Variants in RAB6A observed in about 807,000 individuals in gnomAD.
The protein encoded by RAB6A is RAB6A, member RAS oncogene family.
A neutral mutation model predicts 32.3 loss-of-function variants in RAB6A; 8 were observed. That is an observed-to-expected ratio of 0.25 (90% confidence interval 0.15 to 0.45). The LOEUF (loss-of-function observed/expected upper bound fraction) is 0.45. Among genes scored for constraint, RAB6A ranks in the 20% least tolerant of loss-of-function variants. RAB6A has a pLI of 1.00. For synonymous variants in RAB6A, 73 were observed against 82.1 expected, an observed-to-expected ratio of 0.89 and a Z score of 0.60; for missense variants, 104 against 249.4, an observed-to-expected ratio of 0.42 and a Z score of 3.93.
intron 6 of RAB6A, among the ~76,000 whole-genome samples, chr11:73,693,116 C>T (rs2037710): frequency 0.1 from 15,170 of 151,722 alleles, 861 homozygotes; most frequent in South Asian, 0.27. Context: ...GGTGAAACTC[C>T]GTCTCTACTA....
At chr11:73,701,949 G>A (rs978636445) in intron 6 of RAB6A, among the ~76,000 whole-genome samples, 4 of 152,074 alleles carry the variant, frequency 2.6e-5, no homozygotes, top group African/African-American at 7.2e-5. Context: ...CACAGCCCAC[G>A]AGGGACAGTT....
intron 1 of RAB6A, among the ~76,000 whole-genome samples, chr11:73,747,716 C>T (rs1308646582): frequency 6.6e-6 from 1 of 152,028 alleles, no homozygotes; most frequent in East Asian, 1.9e-4. Context: ...TGAGATTTTC[C>T]CCATTTTCCC....
chr11:73,694,866 A>G (rs1178107257), intron 6 of RAB6A, among the ~76,000 whole-genome samples: 1 of 152,138 alleles, frequency 6.6e-6, no homozygotes, highest in Non-Finnish European at 1.5e-5. Flanking sequence ...AATACAAAAA[A>G]TTAGCTGGGC....
At chr11:73,739,262 TTAAA>T (rs1565373949) in intron 1 of RAB6A, among the ~76,000 whole-genome samples, 1 of 11,592 alleles carries the variant, frequency 8.6e-5, no homozygotes, top group African/African-American at 5.3e-4. Flanking sequence ...GTAATAATAA[TTAAA>T]AAAAAAAAAA....
At chr11:73,724,783 G>A (rs1367479665) in intron 2 of RAB6A, among the ~76,000 whole-genome samples, 3 of 152,160 alleles carry the variant, frequency 2.0e-5, no homozygotes, top group African/African-American at 2.4e-5. Flanking sequence ...ACTGCGCCTG[G>A]CCTCCTAAAT....
chr11:73,687,323 T>A (rs536531530), intron 6 of RAB6A, among the ~76,000 whole-genome samples: 1 of 152,126 alleles, frequency 6.6e-6, no homozygotes, highest in Non-Finnish European at 1.5e-5. Context: ...TGCACTATAG[T>A]GTGAATGTAC....
Position 73,677,890 on chromosome 11 carries a change from A to C in RAB6A, c.*8T>G. 6.2e-7 allele frequency: 1 copy of C among 1,614,202 alleles called. No homozygotes were observed. The highest frequency in any genetic ancestry group is 8.5e-7 in the Non-Finnish European group (1 of 1,180,022). ...GCTTCTGAAGAAGGTTGAAGATGAC[A>C]TGGGAGATTAGCAGGAACAGCCTCC... On this transcript the variant is annotated 3_prime_UTR_variant, in exon 8 of 8. Coordinates refer to ENST00000336083, the MANE Select transcript of RAB6A (RefSeq NM_198896.2).
In RAB6A at chr11:73,716,363, C is replaced by G; in HGVS notation, c.290-1G>C. The G allele has an allele frequency of 6.2e-7, 1 of 1,602,726 alleles. No individual in the cohort carries two copies. Among genetic ancestry groups the G allele is most frequent in the Non-Finnish European group, 8.5e-7 (1 of 1,169,874 alleles). ...GTAGTTTGCTGGAATGAGTTAACAT[C>G]TAGTATAGGAGGGTAGACAGAGAGA... is the stretch of plus-strand genomic sequence containing the variant. On this transcript the variant is annotated splice_acceptor_variant, in intron 4 of 7. Coordinates refer to ENST00000336083, the MANE Select transcript of RAB6A (RefSeq NM_198896.2). LOFTEE classifies it high-confidence loss of function.
At chr11:73,739,781 GC>G (rs908859596) in intron 1 of RAB6A, among the ~76,000 whole-genome samples, 11 of 152,210 alleles carry the variant, frequency 7.2e-5, no homozygotes, top group African/African-American at 9.6e-5. Flanking sequence ...CTCAGGCCGG[GC>G]CCGGTGGCTC....
In RAB6A at chr11:73,737,994, C is replaced by CAAAA. The variant is rs57456237; in HGVS notation, c.71-7175_71-7172dup. On this transcript the variant is annotated intron_variant, in intron 1 of 7. Coordinates refer to ENST00000336083, the MANE Select transcript of RAB6A (RefSeq NM_198896.2). ...TGGGCAACAGAGGGAGACTCCATCTCAAAAAAAAAAAAAAAAAAGACCACA... is the reference window on the plus strand; with the variant it reads ...TGGGCAACAGAGGGAGACTCCATCTCAAAAAAAAAAAAAAAAAAAAAAGACCACA... Among the ~76,000 whole-genome samples the CAAAA allele has an allele frequency of 5.5e-4, 55 of 99,692 alleles. 1 individual carries two copies. Among genetic ancestry groups the CAAAA allele is most frequent in the African/African-American group, 2.1e-3 (51 of 24,296 alleles). The allele number at this position is 99,692 out of a possible 152,430, so 65.4% of individuals were successfully genotyped here.
At chr11:73,686,156 G>C (rs1565345712) in intron 6 of RAB6A, among the ~76,000 whole-genome samples, 1 of 152,198 alleles carries the variant, frequency 6.6e-6, no homozygotes, top group East Asian at 1.9e-4. Context: ...TCCTTACTTA[G>C]GAATATCTAG....
At chr11:73,727,872 G>GT (rs904225125) in intron 2 of RAB6A, among the ~76,000 whole-genome samples, 5 of 152,202 alleles carry the variant, frequency 3.3e-5, no homozygotes, top group African/African-American at 9.6e-5. Context: ...TTGAAATCAA[G>GT]TTTTTTTCTT....
intron 7 of RAB6A, 147 bp downstream of exon 7, chr11:73,679,507 G>T: frequency 1.0e-6 from 1 of 962,902 alleles, no homozygotes; most frequent in Non-Finnish European, 1.6e-6. Flanking sequence ...GACCTCATTT[G>T]CTATAGAAAA....
chr11:73,719,251 C>G (rs1284825588), intron 3 of RAB6A, among the ~76,000 whole-genome samples: 4 of 151,942 alleles, frequency 2.6e-5, no homozygotes, highest in Non-Finnish European at 5.9e-5. Flanking sequence ...CAAAACAAAA[C>G]AAAAAAACCT....
chr11:73,752,071 A>G (rs948631018), intron 1 of RAB6A, among the ~76,000 whole-genome samples: 2 of 152,216 alleles, frequency 1.3e-5, no homozygotes, highest in Non-Finnish European at 2.9e-5. Context: ...ATGAAAAACA[A>G]TTTACAAAAA....
At chr11:73,722,335 ATATATATATTTTTTT>A (rs1349157747) in intron 2 of RAB6A, 69 of 11,080 alleles carry the variant, frequency 6.2e-3, no homozygotes, top group African/African-American at 0.015. Context: ...ATATATATAT[ATATATATATTTTTTT>A]TTTTTTTTTT....
intron 1 of RAB6A, among the ~76,000 whole-genome samples, chr11:73,734,860 A>T (rs1337839693): frequency 6.6e-6 from 1 of 152,204 alleles, no homozygotes; most frequent in Non-Finnish European, 1.5e-5. Flanking sequence ...CAAGTTGAGT[A>T]TCTCTTAACC....
At chr11:73,699,764 G>T (rs998257389) in intron 6 of RAB6A, among the ~76,000 whole-genome samples, 2 of 152,058 alleles carry the variant, frequency 1.3e-5, no homozygotes, top group African/African-American at 4.8e-5. Flanking sequence ...GTGGTCTAGC[G>T]TGCCACACTT....
At chr11:73,685,285 T>A (rs1945425924) in intron 6 of RAB6A, among the ~76,000 whole-genome samples, 1 of 132,040 alleles carries the variant, frequency 7.6e-6, no homozygotes, top group African/African-American at 2.9e-5. Context: ...ATATAGAAAG[T>A]CTTTTTTTTT....
Sources: gnomAD v4.1 joint callset for allele counts (sites outside exome capture counted in the v4.1 genomes callset) on GRCh38, gnomAD v4.1.1 for gene constraint, MANE v1.5 for transcripts, NCBI Gene and HGNC (gene_info 2026-07-23, HGNC 2026-07-21) for gene names.